MAPK10: variants seen among roughly 807,000 people sequenced by gnomAD.
MAPK10 encodes the protein JNK3 alpha protein kinase.
A neutral mutation model predicts 59.3 loss-of-function variants in MAPK10; 25 were observed. The observed-to-expected ratio is 0.42, with a 90% CI of 0.31 to 0.59. The LOEUF is 0.59. Among genes scored for constraint, MAPK10 ranks in the 20% least tolerant of loss-of-function variants. The pLI, the probability that MAPK10 is intolerant of heterozygous loss-of-function variation, is 0.15. For missense variants in MAPK10, 351 were observed against 568.9 expected (o/e 0.62, Z 3.90); for synonymous variants, 190 against 200.5 (o/e 0.95, Z 0.44).
At chr4:86,115,243 C>T (rs1012896391) in intron 4 of MAPK10, among the ~76,000 whole-genome samples, 6 of 152,252 alleles carry the variant, frequency 3.9e-5, no homozygotes, top group African/African-American at 9.6e-5. Context: ...CATGGTTTCC[C>T]AGGCGGGGCA....
intron 11 of MAPK10, among the ~76,000 whole-genome samples, chr4:86,046,703 C>G (rs545073016): frequency 6.6e-6 from 1 of 152,160 alleles, no homozygotes; most frequent in East Asian, 1.9e-4. Context: ...AAAGTAGATT[C>G]CAGCTTTTGA....
chr4:86,040,646 T>G (rs1438504532), intron 11 of MAPK10, among the ~76,000 whole-genome samples: 1 of 152,004 alleles, frequency 6.6e-6, no homozygotes, highest in Non-Finnish European at 1.5e-5. Flanking sequence ...TCAGATTCAA[T>G]TCAAACAAGA....
At position 86,017,219 on chromosome 4, in the gene MAPK10, G is replaced by A; in HGVS notation, c.*9C>T. ...TGAAGAACGCTGGGTTTCGCAGGCA[G>A]GCGGCTAGTCACCTGCAACAACCCA... On this transcript the variant is annotated 3_prime_UTR_variant, in exon 14 of 14. Coordinates refer to ENST00000641462, the MANE Select transcript of MAPK10 (RefSeq NM_138982.4). The surrounding 1 kb of genome is among the most constrained non-coding windows in gnomAD (Gnocchi z 4.4). The A allele has an allele frequency of 6.2e-7, 1 of 1,613,486 alleles. No individual in the cohort carries two copies. Among genetic ancestry groups the A allele is most frequent in the South Asian group, 1.1e-5 (1 of 91,018 alleles).
intron 2 of MAPK10, among the ~76,000 whole-genome samples, chr4:86,202,861 CAA>C (rs1196340670): frequency 7.2e-5 from 11 of 151,996 alleles, no homozygotes; most frequent in African/African-American, 1.9e-4. Context: ...TAAAAATTTA[CAA>C]AGTCACTGCG....
intron 11 of MAPK10, among the ~76,000 whole-genome samples, chr4:86,048,045 T>C (rs1008464894): frequency 5.9e-5 from 9 of 152,068 alleles, no homozygotes; most frequent in African/African-American, 1.4e-4. Context: ...TTGAGGATAG[T>C]CATCATTTTC....
intron 4 of MAPK10, among the ~76,000 whole-genome samples, chr4:86,128,410 A>G (rs923174787): frequency 6.6e-6 from 1 of 151,996 alleles, no homozygotes; most frequent in Non-Finnish European, 1.5e-5. Flanking sequence ...TCCTGTTCTC[A>G]TGATAGTGAG....
At chr4:86,277,124 C>T (rs527434298) in intron 2 of MAPK10, 20 of 151,892 alleles carry the variant, frequency 1.3e-4, no homozygotes, top group African/African-American at 4.8e-4. Context: ...TCTCTAGCAC[C>T]AATTGTGACC....
chr4:86,051,764 C>T (rs1030563671), intron 11 of MAPK10, among the ~76,000 whole-genome samples: 11 of 152,122 alleles, frequency 7.2e-5, no homozygotes, highest in Non-Finnish European at 1.3e-4. Context: ...GGTTAATTTT[C>T]TGTGTGTTTT....
At position 86,107,153 on chromosome 4, in the gene MAPK10, TACAG is replaced by T. The variant is rs2056694433; in HGVS notation, c.366+66_366+69del. The T allele has an allele frequency of 7.0e-6, 9 of 1,286,860 alleles. No individual in the cohort carries two copies. In the Admixed American group the frequency reaches 1.7e-4, roughly 24 times the overall value. 79.7% of individuals were successfully genotyped at this position (1,286,860 alleles called of 1,614,324 possible). On this transcript the variant is annotated intron_variant, in intron 5 of 13. Transcript: ENST00000641462. Reference sequence around the variant, plus strand: ...GCAAAGAAAGCCTTTCTTACTCAAGTACAGACACATTTTCTTTTTCCAATCTTAC... The same window carrying T: ...GCAAAGAAAGCCTTTCTTACTCAAGTACACATTTTCTTTTTCCAATCTTAC...
chr4:86,013,448 T>G lies in MAPK10; in HGVS notation c.*3780A>C, dbSNP rs904480053. 1 of 152,184 alleles carries G rather than the reference T, an allele frequency of 6.6e-6. No individual in the cohort carries two copies. Among genetic ancestry groups the G allele is most frequent in the African/African-American group, 2.4e-5 (1 of 41,442 alleles). The allele number at this position is 152,184 out of a possible 1,614,324, so 9.4% of individuals were successfully genotyped here. A position where few individuals can be genotyped will look rare whatever the true frequency, so the allele number is the denominator to read the frequency against. On this transcript the variant is annotated 3_prime_UTR_variant, in exon 14 of 14. Coordinates refer to ENST00000641462, the MANE Select transcript of MAPK10 (RefSeq NM_138982.4). ...TTCTGAGCTGTAGAAGAATACATTTTTCAGCAAAGCTGGCTAATAACATGC... is the reference window on the plus strand; with the variant it reads ...TTCTGAGCTGTAGAAGAATACATTTGTCAGCAAAGCTGGCTAATAACATGC...
chr4:86,414,123 A>G (rs1186380476), intron 1 of MAPK10, among the ~76,000 whole-genome samples: 2 of 152,196 alleles, frequency 1.3e-5, no homozygotes, highest in Non-Finnish European at 2.9e-5. Context: ...TAAAAACAGT[A>G]TTTATGAATA....
At chr4:86,128,341 C>G (rs573000784) in intron 4 of MAPK10, among the ~76,000 whole-genome samples, 5 of 152,022 alleles carry the variant, frequency 3.3e-5, no homozygotes, top group African/African-American at 4.8e-5. Context: ...TTCCCATAAT[C>G]CCCACGTGTC....
intron 9 of MAPK10, among the ~76,000 whole-genome samples, chr4:86,071,154 A>G (rs1431371596): frequency 6.6e-6 from 1 of 151,836 alleles, no homozygotes; most frequent in East Asian, 1.9e-4. Flanking sequence ...GATGATGAGC[A>G]TTTTTTCATG....
chr4:86,124,362 T>TA, intron 4 of MAPK10: 1 of 152,040 alleles, frequency 6.6e-6, no homozygotes, highest in Admixed American at 6.6e-5. Context: ...GATATTGAAT[T>TA]AAAAAAATGA....
chr4:86,494,847 A>AG (rs1223961747), intron 1 of MAPK10, among the ~76,000 whole-genome samples: 3 of 74,442 alleles, frequency 4.0e-5, no homozygotes, highest in Non-Finnish European at 9.5e-5. Flanking sequence ...CGTCTCAAAA[A>AG]AAAAAAAAAA....
chr4:86,167,822 C>G (rs915140984), intron 3 of MAPK10, among the ~76,000 whole-genome samples: 4 of 152,148 alleles, frequency 2.6e-5, no homozygotes, highest in Admixed American at 6.5e-5. Context: ...TGGCACAAGA[C>G]AAGGATGCCC....
At chr4:86,084,977 G>A (rs1160922008) in intron 9 of MAPK10, among the ~76,000 whole-genome samples, 1 of 152,114 alleles carries the variant, frequency 6.6e-6, no homozygotes, top group Non-Finnish European at 1.5e-5. Flanking sequence ...CAACAAAGGT[G>A]CCAAGAACAT....
At chr4:86,092,435 A>C (rs2053424868) in intron 9 of MAPK10, among the ~76,000 whole-genome samples, 1 of 152,226 alleles carries the variant, frequency 6.6e-6, no homozygotes, top group South Asian at 2.1e-4. Flanking sequence ...TTATGGCTCA[A>C]GATAAACTCA....
intron 11 of MAPK10, among the ~76,000 whole-genome samples, chr4:86,052,422 T>G (rs137962317): frequency 5.3e-4 from 80 of 152,242 alleles, no homozygotes; most frequent in African/African-American, 1.9e-3. Flanking sequence ...ACTCCGAAGA[T>G]CTGAAAAAGC....
Sources: allele counts gnomAD v4.1 joint callset (sites outside exome capture counted in the v4.1 genomes callset), GRCh38; gene constraint gnomAD v4.1.1; non-coding constraint Gnocchi (gnomAD v3.1); transcripts MANE v1.5; gene names NCBI Gene and HGNC (gene_info 2026-07-23, HGNC 2026-07-21).